TMEM150C: variants seen among roughly 807,000 people sequenced by gnomAD.
TMEM150C encodes tentonin 3.
TMEM150C carries 10 observed loss-of-function variants against 29.9 expected under a neutral mutation model. The ratio of observed to expected loss-of-function variants is 0.33; its 90% CI spans 0.21 to 0.57. TMEM150C has a LOEUF of 0.57. TMEM150C is among the 20% of genes least tolerant of loss of function. The probability of loss-of-function intolerance (pLI) is 0.88; values close to 1 mark genes in which losing one functional copy is unlikely to be tolerated. For missense variants in TMEM150C, 251 were observed against 303.6 expected, an observed-to-expected ratio of 0.83 and a Z score of 1.29; for synonymous variants, 101 against 112.5, an observed-to-expected ratio of 0.90 and a Z score of 0.64.
intron 1 of TMEM150C, among the ~76,000 whole-genome samples, chr4:82,510,819 G>A (rs1366970677): frequency 1.3e-5 from 2 of 152,116 alleles, no homozygotes; most frequent in Non-Finnish European, 2.9e-5. Context: ...TCATGACCAC[G>A]ACTGTCACAG....
At chr4:82,540,930 A>C (rs898663335) in intron 1 of TMEM150C, among the ~76,000 whole-genome samples, 1 of 152,208 alleles carries the variant, frequency 6.6e-6, no homozygotes, top group African/African-American at 2.4e-5. Context: ...TTGTGAACTT[A>C]TTCTTCTAAG....
Position 82,561,954 on chromosome 4 carries a change from C to A in TMEM150C, c.-59G>T. 9.0e-7 allele frequency: 1 copy of A among 1,106,842 alleles called. No homozygotes were observed. The highest frequency in any genetic ancestry group is 2.0e-5 in the South Asian group (1 of 51,256). The allele number at this position is 1,106,842 out of a possible 1,614,324, so 68.6% of individuals were successfully genotyped here. ...TGTCGCCTCGAGGGGCTGTGACCTG[C>A]TGCGGTGGCGGCGGCGGCAGCAGTA... On this transcript the variant is annotated 5_prime_UTR_variant, in exon 1 of 8. Coordinates refer to ENST00000449862, the MANE Select transcript of TMEM150C (RefSeq NM_001080506.3).
chr4:82,510,285 A>C (rs1184994180), intron 1 of TMEM150C, among the ~76,000 whole-genome samples: 1 of 152,172 alleles, frequency 6.6e-6, no homozygotes, highest in Non-Finnish European at 1.5e-5. Flanking sequence ...TCTCAAAAAC[A>C]AAAACAAAAA....
chr4:82,534,531 A>G (rs1724947442), intron 1 of TMEM150C, among the ~76,000 whole-genome samples: 1 of 152,220 alleles, frequency 6.6e-6, no homozygotes, highest in African/African-American at 2.4e-5. Flanking sequence ...TCCCAAATAA[A>G]TGGAGAGACA....
intron 7 of TMEM150C, among the ~76,000 whole-genome samples, chr4:82,489,711 A>G (rs534343404): frequency 2.0e-5 from 3 of 152,216 alleles, no homozygotes; most frequent in African/African-American, 7.2e-5. Context: ...AAAGTCACAA[A>G]TGCATTTTTT....
At chr4:82,513,056 G>A (rs757090863) in intron 1 of TMEM150C, among the ~76,000 whole-genome samples, 28 of 152,186 alleles carry the variant, frequency 1.8e-4, no homozygotes, top group African/African-American at 4.6e-4. Context: ...TGAAGAGAGC[G>A]GCAGATCTCC....
intron 1 of TMEM150C, among the ~76,000 whole-genome samples, chr4:82,550,412 T>C (rs1725532295): frequency 6.6e-6 from 1 of 152,178 alleles, no homozygotes; most frequent in South Asian, 2.1e-4. Flanking sequence ...AAAACAGAGA[T>C]ACAGATGGAT....
chr4:82,524,147 G>T (rs1015909482), intron 1 of TMEM150C, among the ~76,000 whole-genome samples: 5 of 151,028 alleles, frequency 3.3e-5, no homozygotes, highest in African/African-American at 1.2e-4. Context: ...GGGTGCCTGT[G>T]GTCCCAGCTA....
intron 1 of TMEM150C, among the ~76,000 whole-genome samples, chr4:82,521,461 C>T (rs1258565320): frequency 6.6e-6 from 1 of 152,122 alleles, no homozygotes; most frequent in Non-Finnish European, 1.5e-5. Flanking sequence ...GAAATGTAAA[C>T]AAATAACTAC....
At chr4:82,518,048 G>A (rs1724350928) in intron 1 of TMEM150C, among the ~76,000 whole-genome samples, 1 of 152,190 alleles carries the variant, frequency 6.6e-6, no homozygotes, top group Admixed American at 6.5e-5. Flanking sequence ...GGGCATGGTA[G>A]CTCATGTCTG....
intron 7 of TMEM150C, among the ~76,000 whole-genome samples, chr4:82,489,023 G>A (rs2110061624): frequency 6.6e-6 from 1 of 151,628 alleles, no homozygotes; most frequent in African/African-American, 2.4e-5. Context: ...CAGTAGCTGG[G>A]ATTACAGGTG....
At chr4:82,525,712 G>A (rs989230323) in intron 1 of TMEM150C, among the ~76,000 whole-genome samples, 1 of 152,060 alleles carries the variant, frequency 6.6e-6, no homozygotes, top group African/African-American at 2.4e-5. Flanking sequence ...GCCCCCACAA[G>A]ACAAGTCCCT....
intron 1 of TMEM150C, among the ~76,000 whole-genome samples, chr4:82,508,279 A>G (rs759721948): frequency 4.6e-5 from 7 of 152,098 alleles, no homozygotes; most frequent in Non-Finnish European, 7.4e-5. Context: ...GAAGAATGGA[A>G]TATTCCATAC....
At chr4:82,519,198 T>G (rs1171737618) in intron 1 of TMEM150C, among the ~76,000 whole-genome samples, 2 of 152,208 alleles carry the variant, frequency 1.3e-5, no homozygotes. Context: ...ACATTTATCA[T>G]GTCACCTTTT....
intron 1 of TMEM150C, among the ~76,000 whole-genome samples, chr4:82,506,500 A>C (rs1032071457): frequency 6.6e-6 from 1 of 152,254 alleles, no homozygotes; most frequent in African/African-American, 2.4e-5. Flanking sequence ...TTAATTTGCA[A>C]CTAATCTAAT....
chr4:82,532,119 T>C (rs921479738), intron 1 of TMEM150C, among the ~76,000 whole-genome samples: 6 of 152,192 alleles, frequency 3.9e-5, no homozygotes. Context: ...AAACAGCACA[T>C]TAGTACTGAG....
At chr4:82,523,766 C>T (rs940903279) in intron 1 of TMEM150C, among the ~76,000 whole-genome samples, 5 of 151,778 alleles carry the variant, frequency 3.3e-5, no homozygotes, top group African/African-American at 9.7e-5. Flanking sequence ...CAACCTTCAC[C>T]TCCTGGGTTC....
intron 1 of TMEM150C, chr4:82,509,613 T>C (rs10008080): frequency 0.31 from 46,791 of 151,722 alleles, 7,616 homozygotes; most frequent in Admixed American, 0.43. Flanking sequence ...CTGGCCAACA[T>C]GGTGAAACCC....
intron 5 of TMEM150C, among the ~76,000 whole-genome samples, chr4:82,499,519 C>T (rs929716838): frequency 3.3e-5 from 5 of 151,910 alleles, no homozygotes; most frequent in Admixed American, 6.6e-5. Context: ...GTCAAGAGTT[C>T]GTGACCAGCC....
Sources: allele counts gnomAD v4.1 joint callset (sites outside exome capture counted in the v4.1 genomes callset), GRCh38; gene constraint gnomAD v4.1.1; transcripts MANE v1.5; gene names NCBI Gene and HGNC (gene_info 2026-07-23, HGNC 2026-07-21).